PDE4D: variants seen among roughly 807,000 people sequenced by gnomAD.
The protein encoded by PDE4D is 3',5'-cyclic-AMP phosphodiesterase 4D.
A neutral mutation model predicts 87.4 loss-of-function variants in PDE4D; 24 were observed. The observed-to-expected ratio is 0.27, with a 90% confidence interval of 0.20 to 0.39. PDE4D has a LOEUF of 0.39. Ranked by LOEUF, PDE4D falls within the 10% of genes least tolerant of loss-of-function variation. PDE4D has a pLI of 1.00. For missense variants in PDE4D, 714 were observed against 1,041.0 expected, an observed-to-expected ratio of 0.69 and a Z score of 4.32; for synonymous variants, 384 against 383.2, an observed-to-expected ratio of 1.00 and a Z score of -0.02.
intron 2 of PDE4D, among the ~76,000 whole-genome samples, chr5:60,078,598 T>C (rs1213747835): frequency 4.6e-5 from 7 of 152,158 alleles, no homozygotes; most frequent in African/African-American, 1.7e-4. Flanking sequence ...CCATGTGTTC[T>C]CAATGTTCAA....
At chr5:59,232,372 A>T (rs1202351625) in intron 1 of PDE4D, among the ~76,000 whole-genome samples, 3 of 152,156 alleles carry the variant, frequency 2.0e-5, no homozygotes, top group Non-Finnish European at 4.4e-5. Flanking sequence ...TGGACAAAGG[A>T]CATGAAGACA....
intron 1 of PDE4D, among the ~76,000 whole-genome samples, chr5:59,483,554 G>A (rs1422519486): frequency 6.6e-6 from 1 of 151,974 alleles, no homozygotes. Flanking sequence ...TTTTTAGGAG[G>A]AGCTACCAGC....
At chr5:59,663,806 A>C (rs1421083602) in intron 1 of PDE4D, among the ~76,000 whole-genome samples, 1 of 152,202 alleles carries the variant, frequency 6.6e-6, no homozygotes, top group Non-Finnish European at 1.5e-5. Context: ...GTATCAAAAT[A>C]TACAGCAGAA....
chr5:59,129,216 T>C (rs866944934), intron 5 of PDE4D, among the ~76,000 whole-genome samples: 4 of 152,210 alleles, frequency 2.6e-5, no homozygotes, highest in Admixed American at 6.5e-5. Context: ...GGTTATTAAG[T>C]AGAATGGAAC....
chr5:59,806,922 A>G (rs575208666), intron 1 of PDE4D, among the ~76,000 whole-genome samples: 3 of 152,208 alleles, frequency 2.0e-5, no homozygotes, highest in Non-Finnish European at 4.4e-5. Flanking sequence ...TTTTCCTTTA[A>G]ATACGATTTG....
intron 3 of PDE4D, among the ~76,000 whole-genome samples, chr5:59,932,631 T>A (rs1045835560): frequency 2.6e-5 from 4 of 152,140 alleles, no homozygotes; most frequent in African/African-American, 9.7e-5. Context: ...CCCACCATCA[T>A]CAGTAACCAA....
At chr5:59,577,813 T>C (rs1823426920) in intron 1 of PDE4D, among the ~76,000 whole-genome samples, 1 of 152,140 alleles carries the variant, frequency 6.6e-6, no homozygotes, top group African/African-American at 2.4e-5. Flanking sequence ...TCTCATGACC[T>C]AGAAAATTAT....
At chr5:60,390,920 T>C (rs1003135578) in intron 1 of PDE4D, among the ~76,000 whole-genome samples, 1 of 152,116 alleles carries the variant, frequency 6.6e-6, no homozygotes, top group African/African-American at 2.4e-5. Context: ...ACCTTCTCAG[T>C]GAACCTGCCC....
intron 2 of PDE4D, among the ~76,000 whole-genome samples, chr5:60,141,914 G>C (rs1160526998): frequency 6.6e-6 from 1 of 151,998 alleles, no homozygotes; most frequent in African/African-American, 2.4e-5. Flanking sequence ...TGCTCAATGA[G>C]TTTTTAACCT....
chr5:60,103,821 A>C (rs1776516061), intron 2 of PDE4D, among the ~76,000 whole-genome samples: 1 of 152,214 alleles, frequency 6.6e-6, no homozygotes, highest in African/African-American at 2.4e-5. Context: ...TAGCATTAAG[A>C]AGAATATCAA....
intron 6 of PDE4D, among the ~76,000 whole-genome samples, chr5:59,016,818 T>C (rs189687999): frequency 3.7e-4 from 57 of 152,198 alleles, no homozygotes; most frequent in African/African-American, 1.3e-3. Flanking sequence ...TGTGCCAGCA[T>C]AGGGGATACA....
chr5:59,480,962 G>A (rs1161830625), intron 1 of PDE4D, among the ~76,000 whole-genome samples: 1 of 152,166 alleles, frequency 6.6e-6, no homozygotes, highest in Non-Finnish European at 1.5e-5. Context: ...GACCAGGGCA[G>A]TGTCATGCAC....
intron 1 of PDE4D, among the ~76,000 whole-genome samples, chr5:59,380,388 C>CAAAAAAAA (rs10574102): frequency 9.2e-5 from 10 of 108,912 alleles, no homozygotes; most frequent in African/African-American, 1.4e-4. Flanking sequence ...CAAAAGCAAT[C>CAAAAAAAA]AAAAAAAAAA....
chr5:59,057,341 C>T (rs1377380546), intron 5 of PDE4D, among the ~76,000 whole-genome samples: 1 of 152,090 alleles, frequency 6.6e-6, no homozygotes, highest in African/African-American at 2.4e-5. Flanking sequence ...TAGCTTGGCA[C>T]CTTATAAAAG....
intron 2 of PDE4D, among the ~76,000 whole-genome samples, chr5:60,122,378 C>A (rs1778767375): frequency 6.6e-6 from 1 of 152,244 alleles, no homozygotes; most frequent in African/African-American, 2.4e-5. Flanking sequence ...CTGCAGCAAA[C>A]TTCTGCCTGG....
chr5:60,280,174 A>C (rs1268498739), intron 1 of PDE4D, among the ~76,000 whole-genome samples: 2 of 152,124 alleles, frequency 1.3e-5, no homozygotes, highest in Non-Finnish European at 2.9e-5. Context: ...AGTCATTATC[A>C]TTCCTAGAGT....
intron 5 of PDE4D, among the ~76,000 whole-genome samples, chr5:59,151,356 T>C (rs1208321221): frequency 6.6e-6 from 1 of 152,116 alleles, no homozygotes; most frequent in Non-Finnish European, 1.5e-5. Flanking sequence ...ACCTGAGTAA[T>C]ATGAGTCCAA....
intron 1 of PDE4D, among the ~76,000 whole-genome samples, chr5:59,585,336 T>C (rs1036120530): frequency 9.2e-5 from 14 of 152,134 alleles, no homozygotes; most frequent in African/African-American, 1.7e-4. Flanking sequence ...ATTTGAGACA[T>C]TGTCATAAAA....
chr5:59,761,650 T>A (rs1336579467), intron 1 of PDE4D, among the ~76,000 whole-genome samples: 1 of 152,038 alleles, frequency 6.6e-6, no homozygotes, highest in African/African-American at 2.4e-5. Flanking sequence ...ATCTTCCTCC[T>A]CCATATCTTG....
Sources: gnomAD v4.1 joint callset for allele counts (sites outside exome capture counted in the v4.1 genomes callset) on GRCh38, gnomAD v4.1.1 for gene constraint, MANE v1.5 for transcripts, NCBI Gene and HGNC (gene_info 2026-07-23, HGNC 2026-07-21) for gene names.